ASAP1: variants seen among roughly 807,000 people sequenced by gnomAD.
ASAP1 encodes ArfGAP with SH3 domain, ankyrin repeat and PH domain 1.
In ASAP1, 43 loss-of-function variants were observed where a neutral mutation model predicts 145.2. That is an observed-to-expected ratio of 0.30 (90% CI 0.23 to 0.38). The LOEUF (loss-of-function observed/expected upper bound fraction) is 0.38, where lower values mean the gene tolerates loss of function less well. ASAP1 is among the 10% of genes least tolerant of loss of function. The pLI is 1.00. For missense variants in ASAP1, 1,018 were observed against 1,355.3 expected (o/e 0.75, Z 3.91); for synonymous variants, 546 against 515.5 (o/e 1.06, Z -0.80).
intron 3 of ASAP1, among the ~76,000 whole-genome samples, chr8:130,324,650 T>TA (rs1467322497): frequency 6.6e-6 from 1 of 152,172 alleles, no homozygotes; most frequent in African/African-American, 2.4e-5. Flanking sequence ...TTAGGAAGCA[T>TA]AATTCGTAAA....
At chr8:130,201,945 A>T (rs1219386545) in intron 5 of ASAP1, among the ~76,000 whole-genome samples, 2 of 152,182 alleles carry the variant, frequency 1.3e-5, no homozygotes, top group African/African-American at 2.4e-5. Flanking sequence ...AACACAATTT[A>T]AAAAATTCAA....
At chr8:130,378,771 C>CG (rs1827624402) in intron 2 of ASAP1, among the ~76,000 whole-genome samples, 1 of 152,236 alleles carries the variant, frequency 6.6e-6, no homozygotes, top group African/African-American at 2.4e-5. Context: ...CTGCAGATGT[C>CG]TGTCAAATGC....
chr8:130,375,996 A>T lies in ASAP1; in HGVS notation c.60-17853T>A, dbSNP rs1000464194. Among the ~76,000 whole-genome samples, 5 of 152,320 alleles carry T rather than the reference A, an allele frequency of 3.3e-5. No individual in the cohort carries two copies. In the East Asian group the frequency reaches 9.6e-4, roughly 29 times the overall value. ...TTTACCTCTACCCCTGCCTCTTCAG[A>T]GACATAAATACACATTGGCACGCCA... On this transcript the variant is annotated intron_variant, in intron 2 of 29. Transcript: ENST00000518721.
intron 13 of ASAP1, among the ~76,000 whole-genome samples, chr8:130,143,230 C>T (rs1417163184): frequency 1.3e-5 from 2 of 152,206 alleles, no homozygotes; most frequent in Non-Finnish European, 2.9e-5. Context: ...CCTTCAAACT[C>T]TGAGGCTTGT....
chr8:130,055,782 A>G (rs193146234), intron 29 of ASAP1, among the ~76,000 whole-genome samples: 1 of 152,356 alleles, frequency 6.6e-6, no homozygotes, highest in Non-Finnish European at 1.5e-5. Flanking sequence ...TTGGCTTCCA[A>G]TGCCAAATCG....
At chr8:130,287,842 C>A (rs1821711596) in intron 3 of ASAP1, among the ~76,000 whole-genome samples, 1 of 152,180 alleles carries the variant, frequency 6.6e-6, no homozygotes, top group Admixed American at 6.5e-5. Flanking sequence ...TAGCCCTTCC[C>A]ACTCAGTCTA....
intron 3 of ASAP1, among the ~76,000 whole-genome samples, chr8:130,251,975 TC>T (rs1298244249): frequency 7.2e-5 from 11 of 152,178 alleles, no homozygotes; most frequent in African/African-American, 2.4e-4. Flanking sequence ...ACATAGTAAA[TC>T]CAGTCCTGAT....
rs1336308513 is a variant in ASAP1 at position 130,443,623 on chromosome 8, C to CAGGCG, written c.-196_-192dup. 6.6e-6 allele frequency: 1 copy of CAGGCG among 151,494 alleles called. No homozygotes were observed. Among genetic ancestry groups the CAGGCG allele is most frequent in the Non-Finnish European group, 1.5e-5 (1 of 67,928 alleles). The allele number at this position is 151,494 out of a possible 1,614,324, so 9.4% of individuals were successfully genotyped here. ...TGCTCGCCCGCGGCAGCGGCCAGGCCAGGCGAGGCGCGGGAGCCGAGCGCG... is the reference window on the plus strand; with the variant it reads ...TGCTCGCCCGCGGCAGCGGCCAGGCCAGGCGAGGCGAGGCGCGGGAGCCGAGCGCG... On this transcript the variant is annotated 5_prime_UTR_variant, in exon 1 of 30. It removes the in-frame stop codon of an upstream open reading frame in the 5' UTR. Coordinates refer to ENST00000518721, the MANE Select transcript of ASAP1 (RefSeq NM_018482.4).
chr8:130,361,863 G>T, intron 2 of ASAP1: 4 of 903,636 alleles, frequency 4.4e-6, no homozygotes, highest in South Asian at 1.4e-5. Context: ...CCTCCCCAAA[G>T]CCAGGAAAAA....
intron 27 of ASAP1, among the ~76,000 whole-genome samples, chr8:130,072,830 C>CGCACGCGCGCACGCGCG (rs1448184178): frequency 6.3e-5 from 2 of 31,920 alleles, no homozygotes; most frequent in African/African-American, 2.0e-4. Context: ...TGTGTGCGCG[C>CGCACGCGCGCACGCGCG]GGGGGGGGGC....
chr8:130,295,829 T>A (rs1174046859), intron 3 of ASAP1, among the ~76,000 whole-genome samples: 1 of 152,178 alleles, frequency 6.6e-6, no homozygotes, highest in African/African-American at 2.4e-5. Flanking sequence ...ATATCAGAAA[T>A]CTTTTTGGAC....
chr8:130,172,418 A>G (rs904732674), intron 9 of ASAP1, among the ~76,000 whole-genome samples: 2 of 152,216 alleles, frequency 1.3e-5, no homozygotes, highest in Non-Finnish European at 2.9e-5. Flanking sequence ...TGTACTCCAG[A>G]AACTACTGAA....
intron 5 of ASAP1, among the ~76,000 whole-genome samples, chr8:130,196,039 A>G (rs1279051264): frequency 6.6e-6 from 1 of 152,362 alleles, no homozygotes; most frequent in East Asian, 1.9e-4. Context: ...ATCCCAAAGA[A>G]GGAATCAAGA....
intron 4 of ASAP1, among the ~76,000 whole-genome samples, chr8:130,227,276 A>C (rs111630821): frequency 3.3e-5 from 5 of 152,038 alleles, no homozygotes; most frequent in Non-Finnish European, 7.4e-5. Context: ...TTTTTGAGAC[A>C]GGATCTCACT....
chr8:130,205,193 A>G (rs1586588760), intron 5 of ASAP1, among the ~76,000 whole-genome samples: 1 of 152,064 alleles, frequency 6.6e-6, no homozygotes, highest in Non-Finnish European at 1.5e-5. Context: ...TTCCTCTCAC[A>G]TAGAACCAAA....
At chr8:130,297,113 A>G (rs1239297221) in intron 3 of ASAP1, among the ~76,000 whole-genome samples, 1 of 152,214 alleles carries the variant, frequency 6.6e-6, no homozygotes, top group Non-Finnish European at 1.5e-5. Context: ...AGGACAGCGA[A>G]TAATAATCTA....
chr8:130,305,535 T>G (rs1277852478), intron 3 of ASAP1, among the ~76,000 whole-genome samples: 5 of 152,108 alleles, frequency 3.3e-5, no homozygotes, highest in Non-Finnish European at 7.4e-5. Context: ...GGCTAATTTT[T>G]GTATTTTTAG....
chr8:130,400,491 GA>G (rs71812723), intron 2 of ASAP1, among the ~76,000 whole-genome samples: 16 of 145,400 alleles, frequency 1.1e-4, no homozygotes, highest in East Asian at 2.1e-4. Context: ...CGTGGCATAG[GA>G]AAAAAAAAAA....
intron 3 of ASAP1, among the ~76,000 whole-genome samples, chr8:130,342,515 G>A (rs546037653): frequency 6.6e-6 from 1 of 152,118 alleles, no homozygotes; most frequent in African/African-American, 2.4e-5. Flanking sequence ...CTGCTATTTG[G>A]CCCCCTAGGG....
Sources: gnomAD v4.1 joint callset for allele counts (sites outside exome capture counted in the v4.1 genomes callset) on GRCh38, gnomAD v4.1.1 for gene constraint, MANE v1.5 for transcripts, NCBI Gene and HGNC (gene_info 2026-07-23, HGNC 2026-07-21) for gene names.